The following WWC2 variants were observed in gnomAD, a reference collection of about 807,000 sequenced individuals.
WWC2 encodes the protein protein WWC2.
WWC2 carries 101 observed loss-of-function variants against 138.5 expected under a neutral mutation model. The observed-to-expected ratio is 0.73, with a 90% confidence interval of 0.62 to 0.86. The LOEUF (loss-of-function observed/expected upper bound fraction) is 0.86. WWC2 is among the 40% of genes least tolerant of loss of function. The pLI is 0.00. For missense variants in WWC2, 1,420 were observed against 1,419.4 expected, an observed-to-expected ratio of 1.00 and a Z score of -0.01; for synonymous variants, 558 against 538.4, an observed-to-expected ratio of 1.04 and a Z score of -0.50.
intron 1 of WWC2, among the ~76,000 whole-genome samples, chr4:183,176,028 A>G (rs1410311567): frequency 1.3e-5 from 2 of 152,248 alleles, no homozygotes; most frequent in Non-Finnish European, 2.9e-5. Flanking sequence ...GTCTAAGCTC[A>G]AAGGGCATGC....
At chr4:183,117,175 A>G (rs550869951) in intron 1 of WWC2, among the ~76,000 whole-genome samples, 7 of 151,740 alleles carry the variant, frequency 4.6e-5, no homozygotes, top group African/African-American at 9.7e-5. Flanking sequence ...AGAATTTTCA[A>G]AGTGATAAAG....
intron 15 of WWC2, chr4:183,269,396 C>G: frequency 1.5e-6 from 1 of 657,724 alleles, no homozygotes; most frequent in Non-Finnish European, 2.9e-6. Flanking sequence ...AAGTTGCTTT[C>G]TATTTCTACC....
chr4:183,270,286 G>A (rs1304534497), intron 15 of WWC2, among the ~76,000 whole-genome samples: 2 of 152,148 alleles, frequency 1.3e-5, no homozygotes, highest in African/African-American at 4.8e-5. Flanking sequence ...TTTTGTCTAT[G>A]TGTGATTTGG....
At position 183,316,683 on chromosome 4, in the gene WWC2, G is replaced by A. The variant is rs1380845768; in HGVS notation, c.*954G>A. 1.3e-5 allele frequency: 2 copies of A among 152,198 alleles called. No homozygotes were observed. The highest frequency in any genetic ancestry group is 2.9e-5 in the Non-Finnish European group (2 of 68,036). 9.4% of individuals were successfully genotyped at this position (152,198 alleles called of 1,614,324 possible). On this transcript the variant is annotated 3_prime_UTR_variant, in exon 23 of 23. Transcript: ENST00000403733. ...CACTCATTTGGTGTAACCAAGAAGA[G>A]GGGGAAAGATGTCTTGATAGAATCA...
chr4:183,302,766 A>G (rs531057534), intron 21 of WWC2, among the ~76,000 whole-genome samples: 130 of 152,334 alleles, frequency 8.5e-4, no homozygotes, highest in Middle Eastern at 3.4e-3. Flanking sequence ...TTAGATTTGT[A>G]TGTCTGTCAG....
At chr4:183,125,785 T>C (rs1732738966) in intron 1 of WWC2, among the ~76,000 whole-genome samples, 1 of 152,216 alleles carries the variant, frequency 6.6e-6, no homozygotes, top group Non-Finnish European at 1.5e-5. Flanking sequence ...TCATGCTCAT[T>C]CCCATGTTCC....
chr4:183,208,916 A>G (rs1485720606), intron 3 of WWC2, 33 bp from the exon 4 acceptor site: 1 of 1,424,570 alleles, frequency 7.0e-7, no homozygotes, highest in East Asian at 2.5e-5. Flanking sequence ...TGCAACTTGT[A>G]AATAATTAGT....
chr4:183,319,797 G>T lies in WWC2; in HGVS notation c.*4068G>T, dbSNP rs1460258160. Reference sequence around the variant, plus strand: ...CCAGAACTCCTGAACCGTCTTGTGGGCAACCCAAGAGACGGGAACCAGGGC... The same window carrying T: ...CCAGAACTCCTGAACCGTCTTGTGGTCAACCCAAGAGACGGGAACCAGGGC... On this transcript the variant is annotated 3_prime_UTR_variant, in exon 23 of 23. Coordinates refer to ENST00000403733, the MANE Select transcript of WWC2 (RefSeq NM_024949.6). 1.9e-6 allele frequency: 3 copies of T among 1,613,984 alleles called. No individual in the cohort carries two copies. Among genetic ancestry groups the T allele is most frequent in the Non-Finnish European group, 2.5e-6 (3 of 1,179,938 alleles).
At chr4:183,106,718 T>C (rs1171943749) in intron 1 of WWC2, among the ~76,000 whole-genome samples, 1 of 152,238 alleles carries the variant, frequency 6.6e-6, no homozygotes, top group Non-Finnish European at 1.5e-5. Flanking sequence ...TTTCTTAGTG[T>C]AATGCATTCA....
intron 10 of WWC2, 48 bp downstream of exon 10, chr4:183,259,776 G>A: frequency 8.0e-7 from 1 of 1,244,668 alleles, no homozygotes; most frequent in African/African-American, 1.5e-5. Flanking sequence ...CGAATAGCAT[G>A]TTCTTGTTCA....
intron 21 of WWC2, among the ~76,000 whole-genome samples, chr4:183,305,359 A>T (rs1738991269): frequency 6.6e-6 from 1 of 152,176 alleles, no homozygotes; most frequent in Admixed American, 6.5e-5. Flanking sequence ...AATGACTGAG[A>T]CTTTCTCCAA....
intron 4 of WWC2, among the ~76,000 whole-genome samples, chr4:183,211,833 T>A (rs1267417518): frequency 6.6e-6 from 1 of 152,080 alleles, no homozygotes; most frequent in Non-Finnish European, 1.5e-5. Context: ...TTGGATTTTT[T>A]TTTTTTTTGG....
chr4:183,300,752 T>TG (rs1738809863), intron 21 of WWC2, among the ~76,000 whole-genome samples: 1 of 149,538 alleles, frequency 6.7e-6, no homozygotes, highest in Non-Finnish European at 1.5e-5. Context: ...CTGGTCAGCT[T>TG]TTTTTTTTTA....
intron 1 of WWC2, among the ~76,000 whole-genome samples, chr4:183,104,136 GT>G (rs201233698): frequency 0.032 from 4,933 of 151,786 alleles, 97 homozygotes; most frequent in South Asian, 0.045. Context: ...ATTTTTCGTA[GT>G]TTTTTTTAGT....
chr4:183,151,779 C>A (rs1019484174), intron 1 of WWC2, among the ~76,000 whole-genome samples: 1 of 152,160 alleles, frequency 6.6e-6, no homozygotes, highest in Non-Finnish European at 1.5e-5. Flanking sequence ...TTTCCCAGCA[C>A]CACTTATTAA....
At chr4:183,276,676 G>A (rs932641201) in intron 16 of WWC2, among the ~76,000 whole-genome samples, 1 of 151,888 alleles carries the variant, frequency 6.6e-6, no homozygotes, top group African/African-American at 2.4e-5. Context: ...ATTTCCTCAC[G>A]TTTTTACCCT....
At position 183,206,507 on chromosome 4, in the gene WWC2, C is replaced by T. The variant is rs74337402; in HGVS notation, c.242-1446C>T. 2.2e-3 allele frequency among the ~76,000 whole-genome samples: 337 copies of T among 152,262 alleles called. 5 individuals carry two copies. The East Asian group carries it at 0.053, about 24-fold the overall frequency. Reference sequence around the variant, plus strand: ...CACTTTTATTTTAAAACATGTATTACTGAATACTACACACAGAAAAGTGCA... The same window carrying T: ...CACTTTTATTTTAAAACATGTATTATTGAATACTACACACAGAAAAGTGCA... On this transcript the variant is annotated intron_variant, in intron 2 of 22. Transcript: ENST00000403733.
In WWC2 at chr4:183,269,039, C is replaced by A. The variant is rs145739176; in HGVS notation, c.2276C>A (p.Pro759Gln). 1.9e-6 allele frequency: 3 copies of A among 1,613,882 alleles called. No homozygotes were observed. In the South Asian group the frequency reaches 3.3e-5, roughly 18 times the overall value. ...VSCLFRTKVH[P>Q]PTESILFNDV... ...TGTCTGTTTCGCACAAAAGTTCATC[C>A]GCCCACAGAATCCATTTTATTCAAT... Residue 759 changes from proline (P) to glutamine (Q), a missense_variant, in exon 15 of 23, where the codon CCG (proline) becomes CAG (glutamine). Physicochemically the swap from Pro to Gln is moderately conservative, Grantham distance 76 (BLOSUM62 -1). Coordinates refer to ENST00000403733, the MANE Select transcript of WWC2 (RefSeq NM_024949.6).
chr4:183,214,336 A>T (rs2111251732), intron 4 of WWC2, among the ~76,000 whole-genome samples: 1 of 152,344 alleles, frequency 6.6e-6, no homozygotes, highest in Non-Finnish European at 1.5e-5. Flanking sequence ...AGTCATCCAC[A>T]GTCTTAGCTA....
Sources: gnomAD v4.1 joint callset for allele counts (sites outside exome capture counted in the v4.1 genomes callset) on GRCh38, gnomAD v4.1.1 for gene constraint, MANE v1.5 for transcripts, NCBI Gene and HGNC (gene_info 2026-07-23, HGNC 2026-07-21) for gene names.